Variants in ESRRG observed in about 807,000 individuals in gnomAD.
ESRRG encodes the protein estrogen-related receptor gamma.
A neutral mutation model predicts 44.0 loss-of-function variants in ESRRG; 13 were observed. That is an observed-to-expected ratio of 0.30 (90% confidence interval 0.19 to 0.47). ESRRG has a LOEUF of 0.47. Ranked by LOEUF, ESRRG falls within the 20% of genes least tolerant of loss-of-function variation. The probability of loss-of-function intolerance (pLI) is 1.00; values close to 1 mark genes in which losing one functional copy is unlikely to be tolerated. For synonymous variants in ESRRG, 215 were observed against 214.6 expected (o/e 1.00, Z -0.02); for missense variants, 395 against 580.6 (o/e 0.68, Z 3.29).
rs141104601 is a variant in ESRRG at position 217,074,444 on chromosome 1, A to ACC, written c.-106+15061_-106+15062dup. On this transcript the variant is annotated intron_variant, in intron 1 of 7. Transcript: ENST00000359162. ...TCAATACCCACAGTATCAGAAATCC[A>ACC]CCCCCCCCAAAAAAAAAAAAACTCA... 1.0e-3 allele frequency among the ~76,000 whole-genome samples: 103 copies of ACC among 102,476 alleles called. 1 individual carries two copies. The highest frequency in any genetic ancestry group is 8.7e-3 in the South Asian group (24 of 2,772). The allele number at this position is 102,476 out of a possible 152,430, so 67.2% of individuals were successfully genotyped here.
chr1:217,095,445 T>C (rs1032814259), intron 1 of ESRRG, among the ~76,000 whole-genome samples: 4 of 152,224 alleles, frequency 2.6e-5, no homozygotes, highest in African/African-American at 9.6e-5. Flanking sequence ...TAGAAAAATA[T>C]GCATTGTTTC....
chr1:216,877,720 C>G (rs570134702), intron 2 of ESRRG, among the ~76,000 whole-genome samples: 32 of 152,076 alleles, frequency 2.1e-4, no homozygotes, highest in African/African-American at 7.5e-4. Context: ...CCGCGCCCGG[C>G]CTATATGTAT....
chr1:216,564,508 T>C, intron 4 of ESRRG, 128 bp from the exon 5 acceptor site: 2 of 661,098 alleles, frequency 3.0e-6, no homozygotes, highest in Non-Finnish European at 2.4e-6. Flanking sequence ...ATTCCAATTA[T>C]GGCTCAATAG....
chr1:217,129,763 T>C (rs911662174), intron 1 of ESRRG, among the ~76,000 whole-genome samples: 3 of 151,894 alleles, frequency 2.0e-5, no homozygotes, highest in Non-Finnish European at 2.9e-5. Flanking sequence ...GGCAAACCCA[T>C]AGAGACAGAA....
intron 3 of ESRRG, among the ~76,000 whole-genome samples, chr1:216,571,217 T>C (rs985673997): frequency 1.3e-5 from 2 of 152,100 alleles, no homozygotes; most frequent in African/African-American, 4.8e-5. Context: ...CTGAGGTGGG[T>C]GGATCACCCG....
At chr1:217,017,786 T>C (rs185958929) in intron 1 of ESRRG, among the ~76,000 whole-genome samples, 244 of 152,306 alleles carry the variant, frequency 1.6e-3, no homozygotes, top group African/African-American at 5.6e-3. Flanking sequence ...AAATGTTAGT[T>C]GACAGTAATA....
At chr1:216,627,215 A>G (rs969063334) in intron 3 of ESRRG, among the ~76,000 whole-genome samples, 3 of 152,188 alleles carry the variant, frequency 2.0e-5, no homozygotes, top group African/African-American at 7.2e-5. Context: ...TACAAATTTT[A>G]AGATTGTATC....
At chr1:216,934,339 C>A (rs555646192) in intron 2 of ESRRG, among the ~76,000 whole-genome samples, 1 of 152,246 alleles carries the variant, frequency 6.6e-6, no homozygotes, top group Admixed American at 6.5e-5. Context: ...GAGGCTGAGG[C>A]AGGAGACTTG....
chr1:216,860,307 GCAGA>G (rs1334317682), intron 2 of ESRRG, among the ~76,000 whole-genome samples: 1 of 151,922 alleles, frequency 6.6e-6, no homozygotes, highest in East Asian at 1.9e-4. Flanking sequence ...GGAAAAAATA[GCAGA>G]CAAAGACATT....
intron 5 of ESRRG, among the ~76,000 whole-genome samples, chr1:216,541,631 G>A (rs933807232): frequency 1.4e-5 from 2 of 147,560 alleles, no homozygotes; most frequent in Non-Finnish European, 1.5e-5. Context: ...TTCATACCCT[G>A]GCCAAGAGCT....
chr1:216,625,086 C>G (rs1052132849), intron 3 of ESRRG, among the ~76,000 whole-genome samples: 4 of 152,142 alleles, frequency 2.6e-5, no homozygotes, highest in South Asian at 2.1e-4. Context: ...CACCCTCAGA[C>G]AGTGATCATC....
At chr1:216,846,414 A>G (rs2095750462) in intron 2 of ESRRG, among the ~76,000 whole-genome samples, 1 of 152,126 alleles carries the variant, frequency 6.6e-6, no homozygotes, top group Non-Finnish European at 1.5e-5. Flanking sequence ...AGAGGTCCGG[A>G]TAGTCAGTAT....
chr1:217,076,805 C>T (rs2091339456), intron 1 of ESRRG: 1 of 152,114 alleles, frequency 6.6e-6, no homozygotes, highest in Non-Finnish European at 1.5e-5. Flanking sequence ...ATAAAGGAAG[C>T]CCTGAAATAC....
At chr1:216,839,479 T>C (rs1270378146) in intron 2 of ESRRG, among the ~76,000 whole-genome samples, 1 of 152,226 alleles carries the variant, frequency 6.6e-6, no homozygotes, top group Non-Finnish European at 1.5e-5. Flanking sequence ...GCCTCTAGAA[T>C]GATGAATCCT....
intron 3 of ESRRG, among the ~76,000 whole-genome samples, chr1:216,592,172 A>C (rs2057774287): frequency 6.6e-6 from 1 of 150,660 alleles, no homozygotes; most frequent in Non-Finnish European, 1.5e-5. Flanking sequence ...GCAATCTTCA[A>C]AATTGCTAGT....
intron 2 of ESRRG, among the ~76,000 whole-genome samples, chr1:216,662,749 T>C (rs145423080): frequency 1.3e-5 from 2 of 152,148 alleles, no homozygotes; most frequent in Non-Finnish European, 2.9e-5. Flanking sequence ...GCAAGCTTTT[T>C]TGAAAGGGCC....
chr1:216,767,899 TA>T (rs1368080451), intron 2 of ESRRG, among the ~76,000 whole-genome samples: 1 of 152,184 alleles, frequency 6.6e-6, no homozygotes, highest in African/African-American at 2.4e-5. Flanking sequence ...AAGAAGACAG[TA>T]ACCCATTAGG....
At chr1:216,801,787 G>A (rs1002356483) in intron 2 of ESRRG, among the ~76,000 whole-genome samples, 1 of 152,008 alleles carries the variant, frequency 6.6e-6, no homozygotes, top group African/African-American at 2.4e-5. Context: ...TTAAAAATTG[G>A]ATGGTTTTCC....
chr1:216,801,349 A>C (rs969019797), intron 2 of ESRRG, among the ~76,000 whole-genome samples: 1 of 152,144 alleles, frequency 6.6e-6, no homozygotes, highest in Non-Finnish European at 1.5e-5. Context: ...GGCTACAGGC[A>C]TGCCAGCACT....
Sources: gnomAD v4.1 joint callset for allele counts (sites outside exome capture counted in the v4.1 genomes callset) on GRCh38, gnomAD v4.1.1 for gene constraint, MANE v1.5 for transcripts, NCBI Gene and HGNC (gene_info 2026-07-23, HGNC 2026-07-21) for gene names.